SEMA3A: variants seen among roughly 807,000 people sequenced by gnomAD.
The protein encoded by SEMA3A is semaphorin-3A.
Under a neutral mutation model 97.9 loss-of-function variants are expected in SEMA3A, and 29 were observed. The observed-to-expected ratio is 0.30, with a 90% CI of 0.22 to 0.40. SEMA3A has a LOEUF of 0.40. Among genes scored for constraint, SEMA3A ranks in the 10% least tolerant of loss-of-function variants. SEMA3A has a pLI of 1.00. For synonymous variants in SEMA3A, 321 were observed against 323.7 expected (o/e 0.99, Z 0.09); for missense variants, 763 against 951.3 (o/e 0.80, Z 2.60).
intron 1 of SEMA3A, among the ~76,000 whole-genome samples, chr7:84,144,818 A>G (rs2116089043): frequency 6.6e-6 from 1 of 152,290 alleles, no homozygotes; most frequent in South Asian, 2.1e-4. Flanking sequence ...ATTCATTCAA[A>G]CAAGGCGTGA....
intron 1 of SEMA3A, among the ~76,000 whole-genome samples, chr7:84,178,586 G>A (rs1322166051): frequency 6.6e-6 from 1 of 152,060 alleles, no homozygotes; most frequent in African/African-American, 2.4e-5. Context: ...AAACCAAGCT[G>A]TTAATTACTA....
intron 3 of SEMA3A, among the ~76,000 whole-genome samples, chr7:84,213,254 G>A (rs1798675266): frequency 6.6e-6 from 1 of 152,174 alleles, no homozygotes; most frequent in South Asian, 2.1e-4. Flanking sequence ...TGGGATTACA[G>A]GCGTGAGCCA....
intron 1 of SEMA3A, among the ~76,000 whole-genome samples, chr7:84,385,892 C>G (rs1803383281): frequency 6.6e-6 from 1 of 152,220 alleles, no homozygotes; most frequent in South Asian, 2.1e-4. Context: ...TACTTGCAAA[C>G]TAGCCAAATC....
At chr7:84,488,924 C>G (rs536755061) in intron 1 of SEMA3A, among the ~76,000 whole-genome samples, 2 of 152,224 alleles carry the variant, frequency 1.3e-5, no homozygotes, top group East Asian at 3.9e-4. Flanking sequence ...AACGAAGTCA[C>G]CTATTAGAGA....
rs111445004 is a variant in SEMA3A at position 84,272,785 on chromosome 7, C to T, written c.-83+34422G>A. ...ACTGTACTATTTGGTCCCTAGGCAT[C>T]GCCAAGCAAATCTTTAGGGACTTTT... On this transcript the variant is annotated intron_variant, in intron 3 of 3. Transcript: ENST00000424555. Among the ~76,000 whole-genome samples the T allele has an allele frequency of 5.9e-5, 9 of 152,186 alleles. 1 individual carries two copies. The highest frequency in any genetic ancestry group is 5.8e-4 in the East Asian group (3 of 5,182).
intron 1 of SEMA3A, among the ~76,000 whole-genome samples, chr7:84,465,001 G>A (rs1805953699): frequency 6.6e-6 from 1 of 152,238 alleles, no homozygotes; most frequent in Non-Finnish European, 1.5e-5. Flanking sequence ...AAGACCCAGA[G>A]AGTGTCACAT....
chr7:84,445,516 A>AAAAAAAAAAAAAAAG (rs1805391070), intron 1 of SEMA3A, among the ~76,000 whole-genome samples: 4 of 123,694 alleles, frequency 3.2e-5, no homozygotes, highest in East Asian at 2.7e-4. Flanking sequence ...AAAAAAAAAA[A>AAAAAAAAAAAAAAAG]AAAAGAAAAG....
At chr7:84,359,686 T>C (rs1276874235) in intron 2 of SEMA3A, among the ~76,000 whole-genome samples, 1 of 152,154 alleles carries the variant, frequency 6.6e-6, no homozygotes, top group Non-Finnish European at 1.5e-5. Context: ...TCTTTTTCTA[T>C]TGATTGGAAT....
intron 12 of SEMA3A, among the ~76,000 whole-genome samples, chr7:83,995,050 C>T (rs1263645503): frequency 6.6e-6 from 1 of 152,164 alleles, no homozygotes; most frequent in Non-Finnish European, 1.5e-5. Context: ...CGGAAAAGTG[C>T]AGTATTCAGG....
intron 1 of SEMA3A, among the ~76,000 whole-genome samples, chr7:84,484,577 C>T (rs1231451352): frequency 1.3e-5 from 2 of 151,174 alleles, no homozygotes; most frequent in African/African-American, 4.9e-5. Flanking sequence ...ACACAGAGAG[C>T]AAGTTTTTAT....
chr7:84,056,401 A>T (rs1792977992), intron 5 of SEMA3A, among the ~76,000 whole-genome samples: 1 of 152,184 alleles, frequency 6.6e-6, no homozygotes, highest in African/African-American at 2.4e-5. Context: ...GGTGAGGAGA[A>T]ACAGAAGGTG....
chr7:84,291,931 T>A (rs554462797), intron 3 of SEMA3A, among the ~76,000 whole-genome samples: 2 of 152,264 alleles, frequency 1.3e-5, no homozygotes, highest in East Asian at 3.9e-4. Flanking sequence ...ATCATTGAAG[T>A]GTGCCCAGTG....
intron 3 of SEMA3A, among the ~76,000 whole-genome samples, chr7:84,235,814 C>G (rs79941003): frequency 0.045 from 6,885 of 152,144 alleles, 536 homozygotes; most frequent in African/African-American, 0.16. Context: ...AACATAGCTA[C>G]TTTAGACCAT....
At position 84,025,068 on chromosome 7, in the gene SEMA3A, C is replaced by T. The variant is rs186150909; in HGVS notation, c.668-10717G>A. 4.0e-3 allele frequency among the ~76,000 whole-genome samples: 614 copies of T among 151,940 alleles called. 7 individuals are homozygous for T. Among genetic ancestry groups the T allele is most frequent in the African/African-American group, 0.014 (600 of 41,442 alleles). ...TGCCACTGCACTCCAGCCTGGGTAA[C>T]AAAGCGAGACTCTGTCTTTAAATGA... On this transcript the variant is annotated intron_variant, in intron 6 of 16. Transcript: ENST00000265362.
chr7:84,449,641 G>A (rs1805509347), intron 1 of SEMA3A, among the ~76,000 whole-genome samples: 1 of 151,886 alleles, frequency 6.6e-6, no homozygotes, highest in Non-Finnish European at 1.5e-5. Context: ...ACACAATGAG[G>A]GAGACAATAA....
At chr7:84,304,092 G>A (rs1801093867) in intron 3 of SEMA3A, among the ~76,000 whole-genome samples, 1 of 152,028 alleles carries the variant, frequency 6.6e-6, no homozygotes, top group Admixed American at 6.6e-5. Context: ...AAACTGGTGT[G>A]TGGAGGCAGG....
Position 83,956,387 on chromosome 7 carries a change from A to T in SEMA3A, c.*4984T>A, listed in dbSNP as rs1209298489. The stretch of plus-strand genomic sequence containing the variant: ...GTGTCTGATGAAGTTAGCTTCCTCT[A>T]AATATTTATTTGTAGAATTCAGAGT... On this transcript the variant is annotated 3_prime_UTR_variant, in exon 17 of 17. Coordinates refer to ENST00000265362, the MANE Select transcript of SEMA3A (RefSeq NM_006080.3). 1 of 152,152 alleles carries T rather than the reference A, an allele frequency of 6.6e-6. No homozygotes were observed. The highest frequency in any genetic ancestry group is 2.4e-5 in the African/African-American group (1 of 41,432). 9.4% of individuals were successfully genotyped at this position (152,152 alleles called of 1,614,324 possible).
At chr7:84,251,254 T>G (rs1442428775) in intron 3 of SEMA3A, among the ~76,000 whole-genome samples, 1 of 152,208 alleles carries the variant, frequency 6.6e-6, no homozygotes, top group Non-Finnish European at 1.5e-5. Context: ...TTGGTTAAAA[T>G]GAAAAATGTC....
Position 84,444,807 on chromosome 7 carries a change from G to T in SEMA3A, c.-246+47653C>A, listed in dbSNP as rs370047933. ...GATCTCCTGACCTCGTGATCCGCCTGCCACAGCCTCCCAAAGTGCTGGGAT... is the reference window on the plus strand; with the variant it reads ...GATCTCCTGACCTCGTGATCCGCCTTCCACAGCCTCCCAAAGTGCTGGGAT... On this transcript the variant is annotated intron_variant, in intron 1 of 3. Coordinates refer to the SEMA3A transcript ENST00000424555. 7.0e-4 allele frequency among the ~76,000 whole-genome samples: 107 copies of T among 152,146 alleles called. 1 individual carries two copies. The highest frequency in any genetic ancestry group is 2.4e-3 in the African/African-American group (99 of 41,514).
Sources: gnomAD v4.1 joint callset for allele counts (sites outside exome capture counted in the v4.1 genomes callset) on GRCh38, gnomAD v4.1.1 for gene constraint, MANE v1.5 for transcripts, NCBI Gene and HGNC (gene_info 2026-07-23, HGNC 2026-07-21) for gene names.